VLDLR: variants seen among roughly 807,000 people sequenced by gnomAD.
VLDLR encodes very low density lipoprotein receptor.
VLDLR carries 81 observed loss-of-function variants against 112.7 expected under a neutral mutation model. That is an observed-to-expected ratio of 0.72 (90% confidence interval 0.60 to 0.86). VLDLR has a LOEUF of 0.86. Ranked by LOEUF, VLDLR falls within the 40% of genes least tolerant of loss-of-function variation. VLDLR has a pLI of 0.00. For synonymous variants in VLDLR, 436 were observed against 384.8 expected, an observed-to-expected ratio of 1.13 and a Z score of -1.56; for missense variants, 1,237 against 1,099.4, an observed-to-expected ratio of 1.13 and a Z score of -1.77.
intron 1 of VLDLR, among the ~76,000 whole-genome samples, chr9:2,626,540 T>G (rs1337880205): frequency 6.6e-6 from 1 of 152,210 alleles, no homozygotes; most frequent in Non-Finnish European, 1.5e-5. Context: ...AGCAAGAGAA[T>G]GCCTGTTAGG....
rs1207282503 is a variant in VLDLR at position 2,655,268 on chromosome 9, A to T, written c.*1400A>T. 1 of 152,216 alleles carries T rather than the reference A, an allele frequency of 6.6e-6. No homozygotes were observed. The highest frequency in any genetic ancestry group is 1.5e-5 in the Non-Finnish European group (1 of 68,036). The allele number at this position is 152,216 out of a possible 1,614,324, so 9.4% of individuals were successfully genotyped here. ...CTTACAGTATGAAGAGCAGATGAGG[A>T]GTTTGAGACAAAGAAAAAATTGTAC... is the stretch of plus-strand genomic sequence containing the variant. On this transcript the variant is annotated 3_prime_UTR_variant, in exon 19 of 19. Coordinates refer to ENST00000382100, the MANE Select transcript of VLDLR (RefSeq NM_003383.5).
chr9:2,643,987 A>T (rs1817945174), intron 7 of VLDLR, 28 bp downstream of exon 7: 1 of 1,613,904 alleles, frequency 6.2e-7, no homozygotes, highest in Non-Finnish European at 8.5e-7. Flanking sequence ...TCAAGTACAG[A>T]TCCTGGAAGT....
At chr9:2,648,458 A>G in intron 13 of VLDLR, 111 bp downstream of exon 13, 1 of 1,555,470 alleles carries the variant, frequency 6.4e-7, no homozygotes, top group East Asian at 2.2e-5. Flanking sequence ...GGCTTGAGAA[A>G]CTGCTTTCAC....
intron 2 of VLDLR, among the ~76,000 whole-genome samples, chr9:2,636,885 C>G (rs1246614325): frequency 6.6e-6 from 1 of 152,286 alleles, no homozygotes; most frequent in East Asian, 1.9e-4. Flanking sequence ...AAACCCATTG[C>G]TTGTTCTTAA....
At chr9:2,651,641 T>C (rs922949626) in intron 16 of VLDLR, 143 bp downstream of exon 16, 15 of 908,660 alleles carry the variant, frequency 1.7e-5, no homozygotes, top group Admixed American at 2.3e-5. Context: ...GACTTAAAAC[T>C]TGCATATCTT....
rs1187867819 is a variant in VLDLR, at chr9:2,645,042, C to T, written c.1272C>T (p.Gly424=). 6.2e-7 allele frequency: 1 copy of T among 1,614,204 alleles called. No individual in the cohort carries two copies. The highest frequency in any genetic ancestry group is 8.5e-7 in the Non-Finnish European group (1 of 1,180,038). The change falls in exon 9 of 19, where the codon GGC becomes GGT. Residue 424 remains glycine, a synonymous_variant. Transcript: ENST00000382100. ...GTTACAAGTGTGAATGTAGTCGTGGCTATCAAATGGATCTTGCTACTGGCG... is the reference window on the plus strand; with the variant it reads ...GTTACAAGTGTGAATGTAGTCGTGGTTATCAAATGGATCTTGCTACTGGCG... The part of the protein sequence containing the change: ...KGGYKCECSR[G]YQMDLATGVC...
chr9:2,648,333 C>G lies in VLDLR; in HGVS notation c.1948C>G (p.Leu650Val), dbSNP rs116047052. The G allele has an allele frequency of 3.2e-5, 51 of 1,614,134 alleles. No individual in the cohort carries two copies. The African/African-American group carries it at 5.7e-4, about 18-fold the overall frequency. ...SLEFLAHPLA[L>V]TIFEDRVYWI... is the part of the protein sequence containing the mutation. ...GGAGTTCCTAGCTCATCCTCTTGCA[C>G]TAACAATATTTGAGGTAAGATGTGT... The change falls in exon 13 of 19, where the codon CTA (leucine) becomes GTA (valine). Residue 650 changes from leucine to valine, a missense_variant. Transcript: ENST00000382100.
At chr9:2,636,593 T>C (rs1247961676) in intron 2 of VLDLR, among the ~76,000 whole-genome samples, 2 of 152,238 alleles carry the variant, frequency 1.3e-5, no homozygotes, top group South Asian at 2.1e-4. Flanking sequence ...GTAGCTCCTT[T>C]AGAAGCATAA....
chr9:2,631,223 A>G (rs1817336032), intron 1 of VLDLR, among the ~76,000 whole-genome samples: 1 of 152,234 alleles, frequency 6.6e-6, no homozygotes, highest in South Asian at 2.1e-4. Context: ...GTGAGAATGT[A>G]AACTAATACA....
At position 2,645,577 on chromosome 9, in the gene VLDLR, A is replaced by G; in HGVS notation, c.1316A>G (p.Lys439Arg). The G allele has an allele frequency of 6.2e-7, 1 of 1,614,238 alleles. No individual in the cohort carries two copies. The stretch of plus-strand genomic sequence containing the variant: ...AACCCAGACTTCCATCTTGCAGGCA[A>G]AGAGCCAAGTCTGATCTTCACTAAT... ...LATGVCKAVG[K>R]EPSLIFTNRR... Residue 439 changes from lysine to arginine, a missense_variant, in exon 10 of 19, where the codon AAA becomes AGA. Transcript: ENST00000382100.
At position 2,659,894 on chromosome 9, in the gene VLDLR, C is replaced by A. The variant is rs895624266; in HGVS notation, c.*6026C>A. The A allele has an allele frequency of 4.6e-5, 7 of 152,178 alleles. No homozygotes were observed. The highest frequency in any genetic ancestry group is 1.3e-4 in the Admixed American group (2 of 15,280). 9.4% of individuals were successfully genotyped at this position (152,178 alleles called of 1,614,324 possible). ...TTGATACTAGAATGCGATTTAAAAG[C>A]ATGTAATGCCTCAGGAGTCCGGCAT... On this transcript the variant is annotated 3_prime_UTR_variant, in exon 19 of 19. Transcript: ENST00000382100.
At chr9:2,636,509 G>T (rs1042241036) in intron 2 of VLDLR, among the ~76,000 whole-genome samples, 14 of 152,114 alleles carry the variant, frequency 9.2e-5, no homozygotes, top group Non-Finnish European at 4.4e-5. Context: ...ATGCATCATG[G>T]CAGACCTTGT....
At chr9:2,648,441 T>C in intron 13 of VLDLR, 94 bp downstream of exon 13, 1 of 1,591,074 alleles carries the variant, frequency 6.3e-7, no homozygotes, top group Middle Eastern at 1.7e-4. Context: ...GAAGAGCAGC[T>C]GAACATGGCT....
rs993154299 is a variant in VLDLR, at chr9:2,645,838, C to T, written c.1484+93C>T. ...TAGTTTGGAGGAGTTTCTTTTGTGT[C>T]TAGCCCCATCTAGCATCGAATTACC... On this transcript the variant is annotated intron_variant, in intron 10 of 18. Coordinates refer to ENST00000382100, the MANE Select transcript of VLDLR (RefSeq NM_003383.5). The T allele has an allele frequency of 3.5e-6, 5 of 1,422,314 alleles. No homozygotes were observed. The African/African-American group carries it at 4.2e-5, about 12-fold the overall frequency. 88.1% of individuals were successfully genotyped at this position (1,422,314 alleles called of 1,614,324 possible).
At position 2,651,761 on chromosome 9, in the gene VLDLR, G is replaced by C; in HGVS notation, c.2336-113G>C. Reference sequence around the variant, plus strand: ...GAGTTGTTCCTGGTGTTCAATTGTTGTAGATACTGAACATCAATATTGGAT... The same window carrying C: ...GAGTTGTTCCTGGTGTTCAATTGTTCTAGATACTGAACATCAATATTGGAT... On this transcript the variant is annotated intron_variant, in intron 16 of 18. Transcript: ENST00000382100. 3 of 1,171,472 alleles carry C rather than the reference G, an allele frequency of 2.6e-6. No individual in the cohort carries two copies. The South Asian group carries it at 3.8e-5, about 15-fold the overall frequency. The allele number at this position is 1,171,472 out of a possible 1,614,324, so 72.6% of individuals were successfully genotyped here.
intron 14 of VLDLR, among the ~76,000 whole-genome samples, chr9:2,649,495 A>G (rs1013620712): frequency 3.3e-5 from 5 of 152,080 alleles, no homozygotes; most frequent in Non-Finnish European, 7.4e-5. Context: ...GTGTTCAAGC[A>G]ATTCTCCTGC....
chr9:2,640,259 T>G (rs1291054589), intron 3 of VLDLR, among the ~76,000 whole-genome samples: 1 of 152,156 alleles, frequency 6.6e-6, no homozygotes, highest in Non-Finnish European at 1.5e-5. Context: ...CTTGACTAGG[T>G]GCATAGATTT....
intron 15 of VLDLR, 72 bp from the exon 16 acceptor site, chr9:2,651,343 G>C (rs1377554951): frequency 2.1e-5 from 28 of 1,339,970 alleles, no homozygotes; most frequent in Non-Finnish European, 1.1e-6. Flanking sequence ...CTTTTACATG[G>C]CTTGTCTGGA....
chr9:2,638,784 G>A (rs1817707051), intron 2 of VLDLR, among the ~76,000 whole-genome samples: 1 of 152,240 alleles, frequency 6.6e-6, no homozygotes, highest in African/African-American at 2.4e-5. Flanking sequence ...ATTAGCAACA[G>A]AATCAATTCC....
Sources: gnomAD v4.1 joint callset for allele counts (sites outside exome capture counted in the v4.1 genomes callset) on GRCh38, gnomAD v4.1.1 for gene constraint, MANE v1.5 for transcripts, NCBI Gene and HGNC (gene_info 2026-07-23, HGNC 2026-07-21) for gene names.